Variants in ZNF793 observed in about 807,000 individuals in gnomAD.
ZNF793 encodes the protein zinc finger protein 793.
ZNF793 carries 5 observed loss-of-function variants against 12.4 expected under a neutral mutation model. That is an observed-to-expected ratio of 0.40 (90% CI 0.21 to 0.84). The LOEUF (loss-of-function observed/expected upper bound fraction) is 0.84. Ranked by LOEUF, ZNF793 falls within the 40% of genes least tolerant of loss-of-function variation. ZNF793 has a pLI of 0.35. For missense variants in ZNF793, 456 were observed against 495.0 expected (o/e 0.92, Z 0.75); for synonymous variants, 162 against 172.4 (o/e 0.94, Z 0.47).
intron 2 of ZNF793, among the ~76,000 whole-genome samples, chr19:37,519,127 G>A (rs942339359): frequency 5.3e-5 from 8 of 152,062 alleles, no homozygotes; most frequent in African/African-American, 1.7e-4. Context: ...ATTAGCCGGC[G>A]TGGTGGCAGG....
At chr19:37,526,268 A>G (rs1171883387) in intron 5 of ZNF793, among the ~76,000 whole-genome samples, 1 of 152,152 alleles carries the variant, frequency 6.6e-6, no homozygotes, top group African/African-American at 2.4e-5. Flanking sequence ...GCATGCCACT[A>G]TGCCCAGCTA....
chr19:37,511,215 G>A (rs2042292485), intron 2 of ZNF793, among the ~76,000 whole-genome samples: 1 of 152,086 alleles, frequency 6.6e-6, no homozygotes, highest in South Asian at 2.1e-4. Flanking sequence ...ACTTTTGCAT[G>A]CTTTTGAATT....
chr19:37,509,751 T>A (rs1169827794), intron 2 of ZNF793, among the ~76,000 whole-genome samples: 1 of 152,206 alleles, frequency 6.6e-6, no homozygotes, highest in Non-Finnish European at 1.5e-5. Context: ...TATTGTGATA[T>A]ATATGCAAAA....
chr19:37,519,796 A>G (rs2042361223), intron 2 of ZNF793, among the ~76,000 whole-genome samples: 2 of 152,226 alleles, frequency 1.3e-5, no homozygotes, highest in African/African-American at 4.8e-5. Context: ...ACACAGATAG[A>G]CTAAGTAACT....
At chr19:37,522,814 C>T (rs116431558) in intron 4 of ZNF793, among the ~76,000 whole-genome samples, 167 bp downstream of exon 4, 17 of 152,172 alleles carry the variant, frequency 1.1e-4, no homozygotes, top group African/African-American at 3.6e-4. Context: ...TTACTGGTCA[C>T]GTTAACTGAT....
intron 2 of ZNF793, among the ~76,000 whole-genome samples, chr19:37,519,544 G>T (rs1405723463): frequency 6.6e-6 from 1 of 151,958 alleles, no homozygotes; most frequent in Non-Finnish European, 1.5e-5. Flanking sequence ...GACAAATAAG[G>T]ACAAATGTTA....
chr19:37,537,810 A>T lies in ZNF793; in HGVS notation c.1152A>T (p.Arg384Ser), dbSNP rs756151896. 4.3e-6 allele frequency: 7 copies of T among 1,613,586 alleles called. No individual in the cohort carries two copies. Among genetic ancestry groups the T allele is most frequent in the Non-Finnish European group, 5.9e-6 (7 of 1,179,570 alleles). Residue 384 changes from arginine (R) to serine (S), a missense_variant, in exon 8 of 8, where the codon AGA becomes AGT. By Grantham distance (110) the Arg-to-Ser change is moderately radical (BLOSUM62 -1). Coordinates refer to ENST00000627814, the MANE Select transcript of ZNF793 (RefSeq NM_001013659.3). ...TCTACCAGAAGCCAAACCTCAGCAG[A>T]CATCAGAAAATTCATGCTCGGAAGA... The part of the protein sequence containing the change: ...KAFYQKPNLS[R>S]HQKIHARKNA...
At chr19:37,535,963 T>C (rs2042501385) in intron 7 of ZNF793, 1 of 152,762 alleles carries the variant, frequency 6.5e-6, no homozygotes, top group Non-Finnish European at 1.5e-5. Flanking sequence ...GACATGAAAA[T>C]AACAATATTC....
intron 2 of ZNF793, among the ~76,000 whole-genome samples, chr19:37,511,892 T>G (rs914540309): frequency 3.3e-5 from 5 of 152,146 alleles, no homozygotes; most frequent in African/African-American, 1.2e-4. Flanking sequence ...TCAAAATCTC[T>G]TAGTCTTTAG....
In ZNF793 at chr19:37,542,041, TG is replaced by T. The variant is rs2042555283; in HGVS notation, c.*4163del. The T allele has an allele frequency of 6.5e-6, 1 of 153,834 alleles. No homozygotes were observed. Among genetic ancestry groups the T allele is most frequent in the East Asian group, 1.9e-4 (1 of 5,258 alleles). The allele number at this position is 153,834 out of a possible 1,614,324, so 9.5% of individuals were successfully genotyped here. On this transcript the variant is annotated 3_prime_UTR_variant, in exon 8 of 8. Transcript: ENST00000627814. ...TATCAGAACAAAAGATGTTACACACTGCTGGTGGAGAAATAAATTTTGAAAA... is the reference window on the plus strand; with the variant it reads ...TATCAGAACAAAAGATGTTACACACTCTGGTGGAGAAATAAATTTTGAAAA...
chr19:37,541,116 T>C lies in ZNF793; in HGVS notation c.*3237T>C, dbSNP rs1002786259. The stretch of plus-strand genomic sequence containing the variant: ...ATTCAGAAATAGACTTCGATATATA[T>C]GAACTTTTTCATATGTGAAAAAGGT... On this transcript the variant is annotated 3_prime_UTR_variant, in exon 8 of 8. Coordinates refer to ENST00000627814, the MANE Select transcript of ZNF793 (RefSeq NM_001013659.3). 5 of 152,140 alleles carry C rather than the reference T, an allele frequency of 3.3e-5. No homozygotes were observed. The highest frequency in any genetic ancestry group is 1.2e-4 in the African/African-American group (5 of 41,448). 9.4% of individuals were successfully genotyped at this position (152,140 alleles called of 1,614,324 possible).
intron 2 of ZNF793, among the ~76,000 whole-genome samples, chr19:37,518,931 T>G (rs1046889818): frequency 2.0e-5 from 3 of 152,100 alleles, no homozygotes; most frequent in Non-Finnish European, 4.4e-5. Flanking sequence ...TTGAGACACA[T>G]TATTGGATGT....
Position 37,538,104 on chromosome 19 carries a change from A to C in ZNF793, c.*225A>C, listed in dbSNP as rs2042524167. 4.5e-6 allele frequency: 2 copies of C among 439,812 alleles called. No individual in the cohort carries two copies. The highest frequency in any genetic ancestry group is 8.1e-6 in the Non-Finnish European group (2 of 248,344). The allele number at this position is 439,812 out of a possible 1,614,324, so 27.2% of individuals were successfully genotyped here. A position where few individuals can be genotyped will look rare whatever the true frequency, so the allele number is the denominator to read the frequency against. On this transcript the variant is annotated 3_prime_UTR_variant, in exon 8 of 8. Coordinates refer to ENST00000627814, the MANE Select transcript of ZNF793 (RefSeq NM_001013659.3). Reference sequence around the variant, plus strand: ...TTTTTTTTTTGTATTTTTAGTAGAGACGGGGTTTCACCGTGTTAGCCAGGA... The same window carrying C: ...TTTTTTTTTTGTATTTTTAGTAGAGCCGGGGTTTCACCGTGTTAGCCAGGA...
intron 5 of ZNF793, among the ~76,000 whole-genome samples, chr19:37,528,109 A>G (rs1371459283): frequency 6.6e-6 from 1 of 152,204 alleles, no homozygotes; most frequent in Non-Finnish European, 1.5e-5. Context: ...AGCCTGGGCA[A>G]CACAGCAAGA....
chr19:37,533,209 C>T (rs2042476070), intron 6 of ZNF793, 99 bp from the exon 7 acceptor site: 4 of 976,814 alleles, frequency 4.1e-6, no homozygotes, highest in Admixed American at 2.1e-5. Flanking sequence ...TTAGTCCCCT[C>T]CCAAGTATAA....
chr19:37,537,324 T>A lies in ZNF793; in HGVS notation c.666T>A (p.Pro222=), dbSNP rs2042514378. Residue 222 remains proline, a synonymous_variant, in exon 8 of 8, where the codon CCT becomes CCA. Coordinates refer to ENST00000627814, the MANE Select transcript of ZNF793 (RefSeq NM_001013659.3). ...TGTACAAACGGAAGAGGGTTCCACC[T>A]ACAGAAAAACCCCACGTCTGTAGTG... ...SLLYKRKRVP[P]TEKPHVCSEC... is the part of the protein sequence containing the mutation. The A allele has an allele frequency of 1.9e-6, 3 of 1,613,614 alleles. No individual in the cohort carries two copies. The highest frequency in any genetic ancestry group is 2.5e-6 in the Non-Finnish European group (3 of 1,179,766).
In ZNF793 at chr19:37,537,086, G is replaced by A; in HGVS notation, c.428G>A (p.Gly143Glu). The A allele has an allele frequency of 6.2e-7, 1 of 1,613,604 alleles. No homozygotes were observed. Among genetic ancestry groups the A allele is most frequent in the Non-Finnish European group, 8.5e-7 (1 of 1,179,648 alleles). Reference protein sequence around the residue: ...IQSPSNWNPCGKNLNHNLDLI... With the variant: ...IQSPSNWNPCEKNLNHNLDLI... ...AGCCCTAGTAACTGGAACCCTTGTG[G>A]AAAGAATTTGAACCATAATTTAGAC... The change falls in exon 8 of 8, where the codon GGA becomes GAA. Residue 143 changes from glycine (G) to glutamate (E), a missense_variant. Coordinates refer to ENST00000627814, the MANE Select transcript of ZNF793 (RefSeq NM_001013659.3).
At chr19:37,522,872 C>G (rs1189002849) in intron 4 of ZNF793, among the ~76,000 whole-genome samples, 1 of 152,078 alleles carries the variant, frequency 6.6e-6, no homozygotes, top group African/African-American at 2.4e-5. Context: ...AAAGTTACTT[C>G]TTTTCCTTTT....
chr19:37,510,437 C>T (rs1036532435), intron 2 of ZNF793, among the ~76,000 whole-genome samples: 1 of 150,716 alleles, frequency 6.6e-6, no homozygotes, highest in Non-Finnish European at 1.5e-5. Flanking sequence ...ATTAGTTAAA[C>T]CCAGGAGGCA....
Sources: allele counts gnomAD v4.1 joint callset (sites outside exome capture counted in the v4.1 genomes callset), GRCh38; gene constraint gnomAD v4.1.1; transcripts MANE v1.5; gene names NCBI Gene and HGNC (gene_info 2026-07-23, HGNC 2026-07-21).